The following OSBP variants were observed in gnomAD, a reference collection of about 807,000 sequenced individuals.
OSBP encodes oxysterol-binding protein 1.
Under a neutral mutation model 96.6 loss-of-function variants are expected in OSBP, and 32 were observed. That is an observed-to-expected ratio of 0.33 (90% CI 0.25 to 0.45). OSBP has a LOEUF of 0.45. OSBP is among the 20% of genes least tolerant of loss of function. The probability of loss-of-function intolerance (pLI) is 1.00; values close to 1 mark genes in which losing one functional copy is unlikely to be tolerated. For missense variants in OSBP, 653 were observed against 1,029.7 expected, an observed-to-expected ratio of 0.63 and a Z score of 5.01; for synonymous variants, 369 against 389.6, an observed-to-expected ratio of 0.95 and a Z score of 0.62.
intron 12 of OSBP, 77 bp downstream of exon 12, chr11:59,578,069 GGGC>G: frequency 1.2e-5 from 16 of 1,298,462 alleles, no homozygotes; most frequent in Non-Finnish European, 1.8e-5. Context: ...TTAAGTGAGA[GGGC>G]AGGCAGAAAT....
chr11:59,614,632 T>TA (rs371029281), intron 1 of OSBP, among the ~76,000 whole-genome samples: 9 of 152,312 alleles, frequency 5.9e-5, no homozygotes, highest in African/African-American at 2.2e-4. Context: ...ATAAAACACT[T>TA]AATCATTTCC....
In OSBP at chr11:59,579,322, ACTTT is replaced by A. The variant is rs1286295382; in HGVS notation, c.1878+848_1878+851del. On this transcript the variant is annotated intron_variant, in intron 11 of 13. Coordinates refer to ENST00000263847, the MANE Select transcript of OSBP (RefSeq NM_002556.3). Reference sequence around the variant, plus strand: ...GTCCTTCCTCTGTGTTTTCCCATTTACTTTCTTTCTTTCTTTTTTTTTTTTTTTG... The same window carrying A: ...GTCCTTCCTCTGTGTTTTCCCATTTACTTTCTTTCTTTTTTTTTTTTTTTG... 5.6e-4 allele frequency among the ~76,000 whole-genome samples: 82 copies of A among 145,492 alleles called. 1 individual carries two copies. Among genetic ancestry groups the A allele is most frequent in the East Asian group, 1.0e-3 (5 of 4,990 alleles).
chr11:59,594,035 T>A lies in OSBP; in HGVS notation c.1532A>T (p.Asn511Ile). Reference protein sequence around the residue: ...ETFELDRLEENGYRSLCEQVS... With the variant: ...ETFELDRLEEIGYRSLCEQVS... Reference sequence around the variant, plus strand: ...CTGTTCACAGAGGGATCGGTACCCATTCTCCTCTAATCGGTCCAGCTCAAA... The same window carrying A: ...CTGTTCACAGAGGGATCGGTACCCAATCTCCTCTAATCGGTCCAGCTCAAA... The change falls in exon 8 of 14, where the codon AAT (asparagine) becomes ATT (isoleucine). Residue 511 changes from asparagine to isoleucine, a missense_variant. Around this residue, in one of 6 missense-constraint regions of OSBP, gnomAD observed 308 missense variants for 573.1 expected, o/e 0.54. Transcript: ENST00000263847. The A allele has an allele frequency of 6.2e-7, 1 of 1,614,128 alleles. No individual in the cohort carries two copies. The highest frequency in any genetic ancestry group is 8.5e-7 in the Non-Finnish European group (1 of 1,179,992).
intron 9 of OSBP, 120 bp downstream of exon 9, chr11:59,593,484 G>A (rs1205662886): frequency 9.2e-7 from 1 of 1,084,788 alleles, no homozygotes; most frequent in African/African-American, 1.6e-5. Flanking sequence ...GCCAGTTAGT[G>A]AGGGTCAGTG....
chr11:59,584,999 C>T (rs974206420), intron 9 of OSBP, among the ~76,000 whole-genome samples: 2 of 152,194 alleles, frequency 1.3e-5, no homozygotes, highest in Non-Finnish European at 2.9e-5. Flanking sequence ...CCTCCACCTC[C>T]CAGCCGCCTG....
chr11:59,594,214 A>C lies in OSBP; in HGVS notation c.1353T>G (p.Thr451=). ...ACAGCTCATGGTATTCCAGATCTTCAGTAAGGCGCTGAAGCATGGACAAGG... is the reference window on the plus strand; with the variant it reads ...ACAGCTCATGGTATTCCAGATCTTCCGTAAGGCGCTGAAGCATGGACAAGG... ...NEPLSMLQRL[T]EDLEYHELLD... is the part of the protein sequence containing the mutation. Residue 451 remains threonine, a synonymous_variant, in exon 8 of 14, where the codon ACT becomes ACG. Coordinates refer to ENST00000263847, the MANE Select transcript of OSBP (RefSeq NM_002556.3). The C allele has an allele frequency of 6.2e-7, 1 of 1,614,176 alleles. No individual in the cohort carries two copies. Among genetic ancestry groups the C allele is most frequent in the Non-Finnish European group, 8.5e-7 (1 of 1,179,988 alleles).
rs1357400630 is a variant in OSBP at position 59,574,945 on chromosome 11, A to G, written c.*1632T>C. 1 of 152,504 alleles carries G rather than the reference A, an allele frequency of 6.6e-6. No homozygotes were observed. Among genetic ancestry groups the G allele is most frequent in the African/African-American group, 2.4e-5 (1 of 41,442 alleles). 9.4% of individuals were successfully genotyped at this position (152,504 alleles called of 1,614,324 possible). ...AACAAAAACAAAAAATACTAACAAA[A>G]AGCATACAAGGAAGGCACCTCAATT... On this transcript the variant is annotated 3_prime_UTR_variant, in exon 14 of 14. Coordinates refer to ENST00000263847, the MANE Select transcript of OSBP (RefSeq NM_002556.3).
intron 10 of OSBP, among the ~76,000 whole-genome samples, chr11:59,580,557 A>C (rs1444063787): frequency 6.6e-6 from 1 of 152,208 alleles, no homozygotes; most frequent in African/African-American, 2.4e-5. Flanking sequence ...TTACCTTTCC[A>C]AACCAATCCC....
intron 7 of OSBP, 109 bp downstream of exon 7, chr11:59,600,387 A>G (rs1590675101): frequency 8.5e-7 from 1 of 1,172,208 alleles, no homozygotes; most frequent in Non-Finnish European, 1.2e-6. Context: ...GGTAAAAAAG[A>G]CCATGCCACA....
Position 59,593,714 on chromosome 11 carries a change from T to C in OSBP, c.1568A>G (p.His523Arg). The C allele has an allele frequency of 6.2e-7, 1 of 1,614,114 alleles. No individual in the cohort carries two copies. Among genetic ancestry groups the C allele is most frequent in the East Asian group, 2.2e-5 (1 of 44,870 alleles). Residue 523 changes from histidine to arginine, a missense_variant, in exon 9 of 14, where the codon CAT becomes CGT. Coordinates refer to ENST00000263847, the MANE Select transcript of OSBP (RefSeq NM_002556.3). ...YRSLCEQVSH[H>R]PPAAAHHAES... Reference sequence around the variant, plus strand: ...AGCATGGTGCGCAGCAGCAGGGGGATGATGACTCACCTTGAAGAAATCAGG... The same window carrying C: ...AGCATGGTGCGCAGCAGCAGGGGGACGATGACTCACCTTGAAGAAATCAGG...
chr11:59,615,509 C>A lies in OSBP; in HGVS notation c.156G>T (p.Ala52=). Residue 52 remains alanine (A), a synonymous_variant, in exon 1 of 14, where the codon GCG becomes GCT. Coordinates refer to ENST00000263847, the MANE Select transcript of OSBP (RefSeq NM_002556.3). Reference sequence around the variant, plus strand: ...CCGGGCCCGGGCCTCCCGCCGCCGCCGCGACCACCGTCCCTGACGCGGCCC... The same window carrying A: ...CCGGGCCCGGGCCTCCCGCCGCCGCAGCGACCACCGTCCCTGACGCGGCCC... ...GSGAASGTVV[A]AAAGGPGPGA... 8.2e-7 allele frequency: 1 copy of A among 1,224,672 alleles called. No homozygotes were observed. Among genetic ancestry groups the A allele is most frequent in the Non-Finnish European group, 1.0e-6 (1 of 983,764 alleles). The allele number at this position is 1,224,672 out of a possible 1,614,324, so 75.9% of individuals were successfully genotyped here.
chr11:59,576,823 T>A lies in OSBP; in HGVS notation c.2263A>T (p.Met755Leu). ...TCATTACCATCCTCTGTGGCTTTCA[T>A]AGCTTCCGCTTCTCTCTTCTTTCTG... Reference protein sequence around the residue: ...LSRKKREAEAMKATEDGTPYD... With the variant: ...LSRKKREAEALKATEDGTPYD... The change falls in exon 13 of 14, where the codon ATG (methionine) becomes TTG (leucine). Residue 755 changes from methionine (M) to leucine (L), a missense_variant. Coordinates refer to ENST00000263847, the MANE Select transcript of OSBP (RefSeq NM_002556.3). 6.2e-7 allele frequency: 1 copy of A among 1,614,158 alleles called. No individual in the cohort carries two copies. The highest frequency in any genetic ancestry group is 1.7e-5 in the Admixed American group (1 of 60,010).
At position 59,574,547 on chromosome 11, in the gene OSBP, A is replaced by C. The variant is rs1860338354; in HGVS notation, c.*2030T>G. On this transcript the variant is annotated 3_prime_UTR_variant, in exon 14 of 14. Coordinates refer to ENST00000263847, the MANE Select transcript of OSBP (RefSeq NM_002556.3). Reference sequence around the variant, plus strand: ...TTCTAAACTTCTTCCATTAGCGGGAATCTGATTGGGATCAGCCAGAAATGT... The same window carrying C: ...TTCTAAACTTCTTCCATTAGCGGGACTCTGATTGGGATCAGCCAGAAATGT... 6.6e-6 allele frequency: 1 copy of C among 152,584 alleles called. No individual in the cohort carries two copies. Among genetic ancestry groups the C allele is most frequent in the Non-Finnish European group, 1.5e-5 (1 of 68,036 alleles). The allele number at this position is 152,584 out of a possible 1,614,324, so 9.5% of individuals were successfully genotyped here.
At chr11:59,580,671 CCCT>C (rs1355811956) in intron 10 of OSBP, among the ~76,000 whole-genome samples, 3 of 151,664 alleles carry the variant, frequency 2.0e-5, no homozygotes, top group Non-Finnish European at 2.9e-5. Context: ...ATTTCATTTT[CCCT>C]CCTTTCTTTT....
chr11:59,578,073 A>G lies in OSBP; in HGVS notation c.2060+76T>C, dbSNP rs1055382370. The G allele has an allele frequency of 3.7e-6, 5 of 1,340,680 alleles. No individual in the cohort carries two copies. In the Admixed American group the frequency reaches 9.1e-5, roughly 24 times the overall value. 83.0% of individuals were successfully genotyped at this position (1,340,680 alleles called of 1,614,324 possible). A position where few individuals can be genotyped will look rare whatever the true frequency, so the allele number is the denominator to read the frequency against. On this transcript the variant is annotated intron_variant, in intron 12 of 13. Transcript: ENST00000263847. ...TCCCCACATAATTAAGTGAGAGGGC[A>G]GGCAGAAATGCCTTCAATATTGCTC... is the stretch of plus-strand genomic sequence containing the variant.
At chr11:59,587,358 C>T (rs1040589318) in intron 9 of OSBP, among the ~76,000 whole-genome samples, 3 of 151,894 alleles carry the variant, frequency 2.0e-5, no homozygotes, top group Non-Finnish European at 2.9e-5. Context: ...AAAAATTAGC[C>T]GGGTGTGTTG....
At chr11:59,578,945 T>C (rs1480180426) in intron 11 of OSBP, among the ~76,000 whole-genome samples, 1 of 152,250 alleles carries the variant, frequency 6.6e-6, no homozygotes, top group Non-Finnish European at 1.5e-5. Flanking sequence ...TATACTCTTT[T>C]AGTTATTTTA....
Position 59,601,363 on chromosome 11 carries a change from C to T in OSBP, c.1044G>A (p.Gly348=), listed in dbSNP as rs1056941568. ...TCTCATCATCTTCATCGCTCATGTC[C>T]CCTTTGCCAGAGCAGCACTGATCTA... ...SGKDQCCSGK[G]DMSDEDDENE... The change falls in exon 5 of 14, where the codon GGG becomes GGA. Residue 348 remains glycine (G), a synonymous_variant. Coordinates refer to ENST00000263847, the MANE Select transcript of OSBP (RefSeq NM_002556.3). 1.9e-6 allele frequency: 3 copies of T among 1,612,182 alleles called. No homozygotes were observed. The African/African-American group carries it at 4.0e-5, about 22-fold the overall frequency.
intron 10 of OSBP, 125 bp downstream of exon 10, chr11:59,581,326 T>G (rs1354732189): frequency 4.1e-6 from 2 of 483,386 alleles, no homozygotes; most frequent in Non-Finnish European, 3.8e-6. Flanking sequence ...GAGAAATTCC[T>G]TAGGAGAAAC....
Sources: gnomAD v4.1 joint callset for allele counts (sites outside exome capture counted in the v4.1 genomes callset) on GRCh38, gnomAD v4.1.1 for gene constraint, gnomAD v4.1.1 regional missense constraint, MANE v1.5 for transcripts, NCBI Gene and HGNC (gene_info 2026-07-23, HGNC 2026-07-21) for gene names.